DFFB: variants seen among roughly 807,000 people sequenced by gnomAD.
DFFB encodes DNA fragmentation factor subunit beta, also known as DNA fragmentation factor 40 kDa subunit.
A neutral mutation model predicts 32.7 loss-of-function variants in DFFB; 29 were observed. The observed-to-expected ratio is 0.89, with a 90% CI of 0.66 to 1.21. DFFB has a LOEUF of 1.21. Among genes scored for constraint, DFFB ranks in the 50% most tolerant of loss-of-function variants. The probability of loss-of-function intolerance (pLI) is 0.00; values close to 1 mark genes in which losing one functional copy is unlikely to be tolerated. For synonymous variants in DFFB, 170 were observed against 177.1 expected (o/e 0.96, Z 0.32); for missense variants, 398 against 440.6 (o/e 0.90, Z 0.87).
intron 6 of DFFB, among the ~76,000 whole-genome samples, chr1:3,882,741 C>T (rs1645365841): frequency 6.6e-6 from 1 of 152,130 alleles, no homozygotes; most frequent in Non-Finnish European, 1.5e-5. Context: ...AATAGCAAAC[C>T]CTTAATAGTG....
intron 2 of DFFB, among the ~76,000 whole-genome samples, chr1:3,863,828 A>G (rs763890237): frequency 6.6e-6 from 1 of 152,032 alleles, no homozygotes; most frequent in Admixed American, 6.5e-5. Flanking sequence ...GGTTGGGGGT[A>G]GGGTAGAGGG....
rs560006163 is a variant in DFFB, at chr1:3,882,971, G to A, written c.783-536G>A. Among the ~76,000 whole-genome samples, 83 of 150,492 alleles carry A rather than the reference G, an allele frequency of 5.5e-4. 1 individual carries two copies. The highest frequency in any genetic ancestry group is 1.4e-3 in the African/African-American group (56 of 40,938). ...GTGGTTGACCCCCTTTATTTTCTGC[G>A]TACTTTTCAGTATTCTGAACAGTGA... On this transcript the variant is annotated intron_variant, in intron 6 of 6. Coordinates refer to ENST00000378209, the MANE Select transcript of DFFB (RefSeq NM_004402.4).
At position 3,865,407 on chromosome 1, in the gene DFFB, G is replaced by A. The variant is rs1185419826; in HGVS notation, c.242-405G>A. Among the ~76,000 whole-genome samples, 1 of 152,126 alleles carries A rather than the reference G, an allele frequency of 6.6e-6. No individual in the cohort carries two copies. The highest frequency in any genetic ancestry group is 1.5e-5 in the Non-Finnish European group (1 of 68,028). Reference sequence around the variant, plus strand: ...TTAACTTCCTATTAAGAGCCTGCCCGGAGAGCTCGCTGCTTTAGGGAGTTG... The same window carrying A: ...TTAACTTCCTATTAAGAGCCTGCCCAGAGAGCTCGCTGCTTTAGGGAGTTG... On this transcript the variant is annotated intron_variant, in intron 2 of 6. Transcript: ENST00000378209. The surrounding 1 kb of genome is among the most constrained non-coding windows in gnomAD (Gnocchi z 4.7).
In DFFB at chr1:3,868,013, G is replaced by C; in HGVS notation, c.470G>C (p.Arg157Thr). Reference sequence around the variant, plus strand: ...TTTCAGAGCAAGTCTGGCTATCTGAGATACAGCTGTGAGAGCCGGATCCGG... The same window carrying C: ...TTTCAGAGCAAGTCTGGCTATCTGACATACAGCTGTGAGAGCCGGATCCGG... ...SRFQSKSGYL[R>T]YSCESRIRSY... Residue 157 changes from arginine to threonine, a missense_variant, in exon 4 of 7, where the codon AGA (arginine) becomes ACA (threonine). By Grantham distance (71) the Arg-to-Thr change is moderately conservative (BLOSUM62 -1). Transcript: ENST00000378209. 6.2e-7 allele frequency: 1 copy of C among 1,614,156 alleles called. No homozygotes were observed. Among genetic ancestry groups the C allele is most frequent in the Middle Eastern group, 1.6e-4 (1 of 6,062 alleles).
At chr1:3,873,060 TCA>T (rs1645152728) in intron 6 of DFFB, 1 of 1,115,916 alleles carries the variant, frequency 9.0e-7, no homozygotes, top group Non-Finnish European at 1.2e-6. Context: ...AGTGGCAGGA[TCA>T]TGGCTCACTG....
intron 6 of DFFB, among the ~76,000 whole-genome samples, chr1:3,882,708 A>G (rs1645365174): frequency 1.3e-5 from 2 of 152,154 alleles, no homozygotes; most frequent in Admixed American, 6.5e-5. Context: ...ATATAACGGT[A>G]TAAGATTAGG....
chr1:3,858,508 ACT>A (rs1240195844), intron 1 of DFFB, among the ~76,000 whole-genome samples: 1 of 151,762 alleles, frequency 6.6e-6, no homozygotes, highest in South Asian at 2.1e-4. Context: ...GTTTTTCCTG[ACT>A]CTTCGTATTT....
intron 6 of DFFB, 42 bp downstream of exon 6, chr1:3,872,614 G>GGGCCCTGGCCCTGCCGC: frequency 2.1e-6 from 2 of 959,738 alleles, no homozygotes; most frequent in Non-Finnish European, 3.0e-6. Context: ...AGTGCCTGCA[G>GGGCCCTGGCCCTGCCGC]GGCCCTGTCC....
chr1:3,858,541 C>A (rs1190786599), intron 1 of DFFB, among the ~76,000 whole-genome samples, 177 bp from the exon 2 acceptor site: 1 of 152,242 alleles, frequency 6.6e-6, no homozygotes, highest in Non-Finnish European at 1.5e-5. Flanking sequence ...CGCAGTCAGG[C>A]GCCCTTGCTC....
At chr1:3,866,331 C>CGGG in intron 3 of DFFB, 1 of 393,366 alleles carries the variant, frequency 2.5e-6, no homozygotes. Context: ...CTCTGCCTCC[C>CGGG]TGCACCCTCT....
chr1:3,878,625 T>C (rs1238027229), intron 6 of DFFB, among the ~76,000 whole-genome samples: 1 of 152,180 alleles, frequency 6.6e-6, no homozygotes, highest in Non-Finnish European at 1.5e-5. Context: ...CCCCACCCTT[T>C]TGTGGTTTGG....
intron 6 of DFFB, among the ~76,000 whole-genome samples, chr1:3,878,709 G>A (rs936436712): frequency 3.3e-5 from 5 of 152,294 alleles, no homozygotes; most frequent in South Asian, 2.1e-4. Flanking sequence ...GGCCGGCCTC[G>A]CTGTGACCCT....
intron 3 of DFFB, among the ~76,000 whole-genome samples, chr1:3,866,766 T>G (rs757699178): frequency 9.9e-5 from 15 of 152,156 alleles, no homozygotes; most frequent in Non-Finnish European, 1.8e-4. Flanking sequence ...CATTCCGGTT[T>G]CTGTCTCTCT....
rs530699047 is a variant in DFFB, at chr1:3,859,348, G to C, written c.241+504G>C. On this transcript the variant is annotated intron_variant, in intron 2 of 6. Coordinates refer to ENST00000378209, the MANE Select transcript of DFFB (RefSeq NM_004402.4). ...TGCTTTGAGAGGTGGTTCTTTCGGGGCATCTGTATTGAAGCCTCAGGACAC... is the reference window on the plus strand; with the variant it reads ...TGCTTTGAGAGGTGGTTCTTTCGGGCCATCTGTATTGAAGCCTCAGGACAC... Among the ~76,000 whole-genome samples, 18 of 152,310 alleles carry C rather than the reference G, an allele frequency of 1.2e-4. No homozygotes were observed. In the South Asian group the frequency reaches 3.7e-3, roughly 32 times the overall value.
chr1:3,883,373 C>A, intron 6 of DFFB, 134 bp from the exon 7 acceptor site: 1 of 792,974 alleles, frequency 1.3e-6, no homozygotes, highest in Non-Finnish European at 2.0e-6. Flanking sequence ...CAAACCTGGC[C>A]AGTAGGTGCG....
rs781125373 is a variant in DFFB at position 3,857,570 on chromosome 1, C to T, written c.-34C>T. 7 of 1,471,058 alleles carry T rather than the reference C, an allele frequency of 4.8e-6. No homozygotes were observed. In the African/African-American group the frequency reaches 7.1e-5, roughly 15 times the overall value. The allele number at this position is 1,471,058 out of a possible 1,614,324, so 91.1% of individuals were successfully genotyped here. ...AGCAGCTGGGCAGCAGGTGCCACCG[C>T]CTGTGGGACCCAGAGGGCTTGAGGA... On this transcript the variant is annotated 5_prime_UTR_variant, in exon 1 of 7. Coordinates refer to ENST00000378209, the MANE Select transcript of DFFB (RefSeq NM_004402.4).
At chr1:3,868,612 A>ACACCACAC (rs1645032970) in intron 4 of DFFB, among the ~76,000 whole-genome samples, 1 of 151,706 alleles carries the variant, frequency 6.6e-6, no homozygotes, top group African/African-American at 2.4e-5. Flanking sequence ...ACACCATACC[A>ACACCACAC]GACCACACCA....
rs569470010 is a variant in DFFB at position 3,862,915 on chromosome 1, C to T, written c.242-2897C>T. On this transcript the variant is annotated intron_variant, in intron 2 of 6. Transcript: ENST00000378209. ...CTGTAATCCCAGCACTTTGGGAGGC[C>T]GAGACGGGCAGATCACTTGAGGTCA... 1.2e-3 allele frequency among the ~76,000 whole-genome samples: 178 copies of T among 152,160 alleles called. 1 individual carries two copies. Among genetic ancestry groups the T allele is most frequent in the African/African-American group, 3.8e-3 (158 of 41,520 alleles).
Position 3,865,776 on chromosome 1 carries a change from T to C in DFFB, c.242-36T>C, listed in dbSNP as rs749889720. ...GACCGGGGCAGGATGTGTCTTCTGC[T>C]GGACCGGCACCTTTTGTTTGTCCCA... is the stretch of plus-strand genomic sequence containing the variant. On this transcript the variant is annotated intron_variant, in intron 2 of 6. Transcript: ENST00000378209. This position sits in a 1 kb window ranked among gnomAD's most constrained non-coding sequence, Gnocchi z 4.7. 3 of 1,614,092 alleles carry C rather than the reference T, an allele frequency of 1.9e-6. No homozygotes were observed. The South Asian group carries it at 3.3e-5, about 18-fold the overall frequency.
Sources: gnomAD v4.1 joint callset for allele counts (sites outside exome capture counted in the v4.1 genomes callset) on GRCh38, gnomAD v4.1.1 for gene constraint, Gnocchi (gnomAD v3.1) non-coding constraint, MANE v1.5 for transcripts, NCBI Gene and HGNC (gene_info 2026-07-23, HGNC 2026-07-21) for gene names.